Variants in FCMR observed in about 807,000 individuals in gnomAD.
FCMR encodes immunoglobulin mu Fc receptor.
In FCMR, 34 loss-of-function variants were observed where a neutral mutation model predicts 41.6. That is an observed-to-expected ratio of 0.82 (90% CI 0.62 to 1.09). FCMR has a LOEUF of 1.09. FCMR is among the 50% of genes least tolerant of loss of function. The pLI is 0.00. For missense variants in FCMR, 496 were observed against 512.5 expected (o/e 0.97, Z 0.31); for synonymous variants, 209 against 211.8 (o/e 0.99, Z 0.12).
In FCMR at chr1:206,913,772, C is replaced by G. The variant is rs775338621; in HGVS notation, c.360G>C (p.Leu120=). ...GGAGGAACCTACCACTGTGGACATT[C>G]AGGGTGACTTTCTGGGTCTTTCCCC... ...TDRGKTQKVT[L]NVHSEYEPSW... Residue 120 remains leucine (L), a synonymous_variant, in exon 2 of 8, where the codon CTG becomes CTC. Coordinates refer to ENST00000367091, the MANE Select transcript of FCMR (RefSeq NM_005449.5). 2.2e-5 allele frequency: 35 copies of G among 1,613,946 alleles called. No individual in the cohort carries two copies. The Admixed American group carries it at 5.8e-4, about 27-fold the overall frequency.
At chr1:206,908,012 C>G in intron 7 of FCMR, 1 of 1,434,544 alleles carries the variant, frequency 7.0e-7, no homozygotes, top group South Asian at 1.2e-5. Context: ...CTGAAGCTTA[C>G]AAGAAAGTTT....
At chr1:206,907,834 C>T in intron 7 of FCMR, 1 of 1,410,086 alleles carries the variant, frequency 7.1e-7, no homozygotes, top group East Asian at 2.3e-5. Flanking sequence ...GTCCCTACCA[C>T]TTCCCGGCCC....
At chr1:206,922,403 C>T (rs1310090085), upstream of FCMR, among the ~76,000 whole-genome samples, 1 of 152,208 alleles carries the variant, frequency 6.6e-6, no homozygotes, top group Non-Finnish European at 1.5e-5. Flanking sequence ...AGTTTTTGAG[C>T]ACCTTCTATG....
chr1:206,910,031 G>T, intron 5 of FCMR, 163 bp from the exon 6 acceptor site: 1 of 1,128,352 alleles, frequency 8.9e-7, no homozygotes, highest in Non-Finnish European at 1.2e-6. Context: ...CTGCCCTGAA[G>T]ACCAAAGGGC....
At position 206,909,796 on chromosome 1, in the gene FCMR, G is replaced by C. The variant is rs546416340; in HGVS notation, c.914C>G (p.Ser305Trp). The C allele has an allele frequency of 4.0e-5, 57 of 1,441,316 alleles. No homozygotes were observed. The African/African-American group carries it at 7.6e-4, about 19-fold the overall frequency. 89.3% of individuals were successfully genotyped at this position (1,441,316 alleles called of 1,614,324 possible). ...ALESSQRPRG[S>W]PRPRSQNNIY... ...GTTGTTTTGGGAGCGCGGTCGCGGC[G>C]ACCCGCGGGGCCTCTGGGAGCTCTC... Residue 305 changes from serine to tryptophan, a missense_variant, in exon 6 of 8, where the codon TCG (serine) becomes TGG (tryptophan). Physicochemically the swap from Ser to Trp is radical, Grantham distance 177. Transcript: ENST00000367091. This position sits in a 1 kb window ranked among gnomAD's most constrained non-coding sequence, Gnocchi z 5.0.
intron 7 of FCMR, among the ~76,000 whole-genome samples, chr1:206,907,102 G>C (rs1678690568): frequency 2.3e-5 from 1 of 44,358 alleles, no homozygotes; most frequent in Non-Finnish European, 4.0e-5. Context: ...GGGTGGGGGG[G>C]TGGGGGGGGG....
In FCMR at chr1:206,921,818, C is replaced by T. The variant is rs552102761; in HGVS notation, c.37G>A (p.Val13Ile). ...FWLWPLYFLP[V>I]SGALRILPEV... ...TGAAGTGTTTCCCCACGGTACTTAC[C>T]TGGCAGGAAGTAAAGTGGCCAAAGC... The change falls in exon 1 of 8, where the codon GTA (valine) becomes ATA (isoleucine). Residue 13 changes from valine to isoleucine, a missense_variant and splice_region_variant. Transcript: ENST00000367091. 1.1e-5 allele frequency: 18 copies of T among 1,613,804 alleles called. 1 individual carries two copies. In the African/African-American group the frequency reaches 1.7e-4, roughly 16 times the overall value.
chr1:206,913,844 T>G lies in FCMR; in HGVS notation c.288A>C (p.Glu96Asp). Reference protein sequence around the residue: ...LFLVEVTQLTESDSGVYACGA... With the variant: ...LFLVEVTQLTDSDSGVYACGA... Reference sequence around the variant, plus strand: ...CGCAGGCATAGACTCCGCTGTCACTTTCTGTCAGCTGTGTTACCTCCACTA... The same window carrying G: ...CGCAGGCATAGACTCCGCTGTCACTGTCTGTCAGCTGTGTTACCTCCACTA... Residue 96 changes from glutamate (E) to aspartate (D), a missense_variant, in exon 2 of 8, where the codon GAA becomes GAC. Coordinates refer to ENST00000367091, the MANE Select transcript of FCMR (RefSeq NM_005449.5). The G allele has an allele frequency of 6.2e-7, 1 of 1,614,222 alleles. No homozygotes were observed. The highest frequency in any genetic ancestry group is 1.1e-5 in the South Asian group (1 of 91,088).
chr1:206,916,372 G>C (rs1679191309), intron 1 of FCMR, among the ~76,000 whole-genome samples: 1 of 152,220 alleles, frequency 6.6e-6, no homozygotes, highest in African/African-American at 2.4e-5. Flanking sequence ...GCCAGGAAGG[G>C]GGTGTGAATG....
chr1:206,911,706 A>G, intron 4 of FCMR, 24 bp downstream of exon 4: 2 of 1,600,100 alleles, frequency 1.2e-6, no homozygotes, highest in East Asian at 2.2e-5. Flanking sequence ...GCCTAACTCT[A>G]GATCCTGGAC....
intron 7 of FCMR, among the ~76,000 whole-genome samples, chr1:206,906,985 A>G (rs1440249614): frequency 2.0e-5 from 3 of 150,454 alleles, no homozygotes; most frequent in African/African-American, 7.3e-5. Context: ...TTCAATGAGT[A>G]CTTACTGAAT....
chr1:206,906,378 C>T (rs1678644715), intron 7 of FCMR: 1 of 193,210 alleles, frequency 5.2e-6, no homozygotes, highest in Non-Finnish European at 1.1e-5. Flanking sequence ...GAGGATGAGG[C>T]AGAGGAAATC....
At position 206,913,911 on chromosome 1, in the gene FCMR, C is replaced by G; in HGVS notation, c.221G>C (p.Gly74Ala). ...TGGGTATTGCTTCAGAGTAACTCGG[C>G]CCTTGTATTCTGCCTTGATGAAGTT... The part of the protein sequence containing the change: ...TTNFIKAEYK[G>A]RVTLKQYPRK... Residue 74 changes from glycine (G) to alanine (A), a missense_variant, in exon 2 of 8, where the codon GGC becomes GCC. Physicochemically the swap from Gly to Ala is moderately conservative, Grantham distance 60. Coordinates refer to ENST00000367091, the MANE Select transcript of FCMR (RefSeq NM_005449.5). 6.2e-7 allele frequency: 1 copy of G among 1,614,208 alleles called. No individual in the cohort carries two copies. Among genetic ancestry groups the G allele is most frequent in the Non-Finnish European group, 8.5e-7 (1 of 1,180,048 alleles).
chr1:206,918,523 AGC>A (rs1679289455), intron 1 of FCMR, among the ~76,000 whole-genome samples: 9 of 152,192 alleles, frequency 5.9e-5, no homozygotes, highest in Admixed American at 5.9e-4. Flanking sequence ...AACTTAGGAC[AGC>A]TGAGAAAGAG....
Position 206,912,983 on chromosome 1 carries a change from G to T in FCMR, c.433C>A (p.Pro145Thr), listed in dbSNP as rs1403969048. The change falls in exon 3 of 8, where the codon CCC becomes ACC. Residue 145 changes from proline to threonine, a missense_variant. By Grantham distance (38) the Pro-to-Thr change is conservative. Transcript: ENST00000367091. The part of the protein sequence containing the change: ...MPETPKWFHL[P>T]YLFQMPAYAS... ...TATGCAGGCATCTGGAACAAATAGG[G>T]CAGATGAAACCATTTTGGAGTCTCA... 1 of 1,613,942 alleles carries T rather than the reference G, an allele frequency of 6.2e-7. No individual in the cohort carries two copies. Among genetic ancestry groups the T allele is most frequent in the South Asian group, 1.1e-5 (1 of 91,076 alleles).
At position 206,908,293 on chromosome 1, in the gene FCMR, G is replaced by T. The variant is rs1678768609; in HGVS notation, c.1044+1169C>A. On this transcript the variant is annotated intron_variant, in intron 7 of 7. Transcript: ENST00000367091. ...CCTGCCCTTCCTCCATCGTCGCCCT[G>T]GAATGTGCGGGACCCAGGGGCAGCA... is the stretch of plus-strand genomic sequence containing the variant. 5.8e-6 allele frequency: 5 copies of T among 855,426 alleles called. No homozygotes were observed. In the Admixed American group the frequency reaches 1.1e-4, roughly 18 times the overall value. 53.0% of individuals were successfully genotyped at this position (855,426 alleles called of 1,614,324 possible).
At chr1:206,922,506 G>A (rs1351744643), upstream of FCMR, among the ~76,000 whole-genome samples, 3 of 152,214 alleles carry the variant, frequency 2.0e-5, no homozygotes, top group African/African-American at 4.8e-5. Flanking sequence ...GGGACTAGAT[G>A]ATCCCTGCCA....
At chr1:206,913,540 G>C in intron 2 of FCMR, 1 of 590,488 alleles carries the variant, frequency 1.7e-6, no homozygotes, top group Non-Finnish European at 3.0e-6. Flanking sequence ...AATACAAAGA[G>C]AGCACCTATC....
intron 4 of FCMR, 42 bp downstream of exon 4, chr1:206,911,688 T>G (rs1678944241): frequency 6.3e-7 from 1 of 1,575,062 alleles, no homozygotes. Flanking sequence ...GTGGATCTCT[T>G]AATTCTAGCC....
Sources: gnomAD v4.1 joint callset for allele counts (sites outside exome capture counted in the v4.1 genomes callset) on GRCh38, gnomAD v4.1.1 for gene constraint, Gnocchi (gnomAD v3.1) non-coding constraint, MANE v1.5 for transcripts, NCBI Gene and HGNC (gene_info 2026-07-23, HGNC 2026-07-21) for gene names.